SERPINI1: variants seen among roughly 807,000 people sequenced by gnomAD.
SERPINI1 encodes neuroserpin.
In SERPINI1, 19 loss-of-function variants were observed where a neutral mutation model predicts 41.1. The ratio of observed to expected loss-of-function variants is 0.46; its 90% CI spans 0.32 to 0.68. The LOEUF is 0.68. Ranked by LOEUF, SERPINI1 falls within the 30% of genes least tolerant of loss-of-function variation. The pLI is 0.03. For synonymous variants in SERPINI1, 138 were observed against 156.6 expected (o/e 0.88, Z 0.89); for missense variants, 460 against 479.2 (o/e 0.96, Z 0.37).
In SERPINI1 at chr3:167,794,248, A is replaced by G. The variant is rs111488222; in HGVS notation, c.677-372A>G. ...TACATGTTATTATAAATGTGAAATA[A>G]TTCTGTGGATTCTAAAATAAAATAA... is the stretch of plus-strand genomic sequence containing the variant. On this transcript the variant is annotated intron_variant, in intron 4 of 8. Coordinates refer to ENST00000446050, the MANE Select transcript of SERPINI1 (RefSeq NM_001122752.2). 3.0e-3 allele frequency among the ~76,000 whole-genome samples: 454 copies of G among 152,270 alleles called. 4 individuals are homozygous for G. The highest frequency in any genetic ancestry group is 0.01 in the African/African-American group (426 of 41,566).
intron 5 of SERPINI1, among the ~76,000 whole-genome samples, chr3:167,799,502 T>C (rs1157820650): frequency 2.0e-5 from 3 of 152,244 alleles, no homozygotes; most frequent in African/African-American, 7.2e-5. Flanking sequence ...GCAATAAACA[T>C]ACGTGTGTGT....
At position 167,793,596 on chromosome 3, in the gene SERPINI1, A is replaced by ATATTTTTT; in HGVS notation, c.676+813_676+814insATTTTTTT. Among the ~76,000 whole-genome samples the ATATTTTTT allele has an allele frequency of 4.3e-5, 6 of 140,620 alleles. 1 individual carries two copies. The highest frequency in any genetic ancestry group is 1.4e-4 in the African/African-American group (5 of 36,560). The allele number at this position is 140,620 out of a possible 152,430, so 92.3% of individuals were successfully genotyped here. A position where few individuals can be genotyped will look rare whatever the true frequency, so the allele number is the denominator to read the frequency against. The stretch of plus-strand genomic sequence containing the variant: ...TACAAATATATATATATATATATAT[A>ATATTTTTT]TTTTTAATTAGCTAGGCATAATGGT... On this transcript the variant is annotated intron_variant, in intron 4 of 8. Transcript: ENST00000446050.
intron 1 of SERPINI1, among the ~76,000 whole-genome samples, chr3:167,768,209 C>T (rs943676871): frequency 2.6e-5 from 4 of 152,236 alleles, no homozygotes; most frequent in Non-Finnish European, 5.9e-5. Context: ...CAGCCATCAA[C>T]ATCAAGGTAA....
intron 1 of SERPINI1, among the ~76,000 whole-genome samples, chr3:167,763,844 T>G (rs1358356055): frequency 6.6e-6 from 1 of 152,158 alleles, no homozygotes; most frequent in Non-Finnish European, 1.5e-5. Context: ...GTTTGAGAAA[T>G]AGTTGTATTG....
intron 5 of SERPINI1, among the ~76,000 whole-genome samples, chr3:167,804,091 T>C (rs1187023974): frequency 1.3e-5 from 2 of 152,200 alleles, no homozygotes; most frequent in Admixed American, 6.6e-5. Context: ...ATTCCCTTTT[T>C]TGAGATGGAT....
rs56761926 is a variant in SERPINI1 at position 167,776,199 on chromosome 3, C to T, written c.-18-12912C>T. Among the ~76,000 whole-genome samples the T allele has an allele frequency of 2.0e-3, 302 of 152,310 alleles. 1 individual carries two copies. In the Middle Eastern group the frequency reaches 0.024, roughly 12 times the overall value. ...CCTTGATTGATGATGACTTTTTACC[C>T]GTCTCTCTGAAACTACTTGCTGAGT... On this transcript the variant is annotated intron_variant, in intron 1 of 8. Transcript: ENST00000446050.
At chr3:167,817,201 G>T (rs982451525) in intron 6 of SERPINI1, among the ~76,000 whole-genome samples, 1 of 152,146 alleles carries the variant, frequency 6.6e-6, no homozygotes, top group Non-Finnish European at 1.5e-5. Context: ...AACATCCATT[G>T]AAATTCATTC....
chr3:167,775,225 TTTATTATTATTATTA>T (rs558261774), intron 1 of SERPINI1, among the ~76,000 whole-genome samples: 6,654 of 134,326 alleles, frequency 0.05, 196 homozygotes, highest in Non-Finnish European at 0.068. Context: ...GAAGTGTCAC[TTTATTATTATTATTA>T]TTATTATTAT....
At chr3:167,816,065 A>G (rs1316155804) in intron 6 of SERPINI1, among the ~76,000 whole-genome samples, 2 of 152,018 alleles carry the variant, frequency 1.3e-5, no homozygotes, top group East Asian at 3.9e-4. Context: ...TGTTTTTGAG[A>G]CAGGGTCTCA....
chr3:167,789,312 C>T lies in SERPINI1; in HGVS notation c.184C>T (p.Leu62Phe), dbSNP rs1474075286. 2.5e-6 allele frequency: 4 copies of T among 1,614,126 alleles called. No homozygotes were observed. The East Asian group carries it at 8.9e-5, about 36-fold the overall frequency. The change falls in exon 2 of 9, where the codon CTT becomes TTT. Residue 62 changes from leucine (L) to phenylalanine (F), a missense_variant. Coordinates refer to ENST00000446050, the MANE Select transcript of SERPINI1 (RefSeq NM_001122752.2). ...SIALAMGMME[L>F]GAQGSTQKEI... ...TGCTCTTGCAATGGGAATGATGGAA[C>T]TTGGGGCCCAAGGATCTACCCAGAA... is the stretch of plus-strand genomic sequence containing the variant.
intron 5 of SERPINI1, among the ~76,000 whole-genome samples, chr3:167,800,675 T>C (rs1387103108): frequency 1.3e-5 from 2 of 152,196 alleles, no homozygotes; most frequent in Non-Finnish European, 1.5e-5. Flanking sequence ...TGTGAAGTGG[T>C]TCTCTATTTT....
Position 167,792,633 on chromosome 3 carries a change from C to T in SERPINI1, c.525C>T (p.Ala175=). 6.2e-7 allele frequency: 1 copy of T among 1,613,562 alleles called. No homozygotes were observed. The highest frequency in any genetic ancestry group is 8.5e-7 in the Non-Finnish European group (1 of 1,179,846). Residue 175 remains alanine (A), a synonymous_variant, in exon 4 of 9, where the codon GCC becomes GCT. Transcript: ENST00000446050. The part of the protein sequence containing the change: ...DLVSPRDFDA[A]TYLALINAVY... ...TATCCCCAAGGGATTTTGATGCTGCCACTTATCTGGCCCTCATTAATGCTG... is the reference window on the plus strand; with the variant it reads ...TATCCCCAAGGGATTTTGATGCTGCTACTTATCTGGCCCTCATTAATGCTG...
At chr3:167,776,558 A>G (rs1228867467) in intron 1 of SERPINI1, among the ~76,000 whole-genome samples, 1 of 152,196 alleles carries the variant, frequency 6.6e-6, no homozygotes, top group African/African-American at 2.4e-5. Flanking sequence ...TGTGGGATTA[A>G]TGCTACTAAT....
chr3:167,799,377 CT>C (rs1727826237), intron 5 of SERPINI1, among the ~76,000 whole-genome samples: 1 of 152,116 alleles, frequency 6.6e-6, no homozygotes, highest in Non-Finnish European at 1.5e-5. Flanking sequence ...TGAACTCATT[CT>C]TTTTTATGGC....
intron 5 of SERPINI1, among the ~76,000 whole-genome samples, chr3:167,803,823 A>G (rs9821241): frequency 0.35 from 53,026 of 152,010 alleles, 10,477 homozygotes; most frequent in African/African-American, 0.54. Flanking sequence ...TATTAACTGT[A>G]TGACCTTGGT....
chr3:167,785,398 C>G (rs1360931636), intron 1 of SERPINI1, among the ~76,000 whole-genome samples: 1 of 152,186 alleles, frequency 6.6e-6, no homozygotes, highest in Non-Finnish European at 1.5e-5. Context: ...CAACTTGGGA[C>G]TTACATCCAA....
chr3:167,775,917 C>A (rs1445529622), intron 1 of SERPINI1, among the ~76,000 whole-genome samples: 1 of 152,096 alleles, frequency 6.6e-6, no homozygotes, highest in African/African-American at 2.4e-5. Flanking sequence ...ACTCTTTTCT[C>A]CACTGCACTC....
At chr3:167,779,566 C>T in intron 1 of SERPINI1, among the ~76,000 whole-genome samples, 1 of 152,140 alleles carries the variant, frequency 6.6e-6, no homozygotes, top group Non-Finnish European at 1.5e-5. Context: ...ACTTCAAAAC[C>T]CATAGAGTCA....
rs1272024619 is a variant in SERPINI1 at position 167,785,901 on chromosome 3, G to GGTCTTA, written c.-18-3209_-18-3204dup. 6.6e-5 allele frequency among the ~76,000 whole-genome samples: 10 copies of GGTCTTA among 152,148 alleles called. 1 individual carries two copies. ...TATCATACAGTAAATTTAATTGCTT[G>GGTCTTA]GTCTTACACACTTATTGCCTAATGA... On this transcript the variant is annotated intron_variant, in intron 1 of 8. Coordinates refer to ENST00000446050, the MANE Select transcript of SERPINI1 (RefSeq NM_001122752.2).
Sources: allele counts gnomAD v4.1 joint callset (sites outside exome capture counted in the v4.1 genomes callset), GRCh38; gene constraint gnomAD v4.1.1; transcripts MANE v1.5; gene names NCBI Gene and HGNC (gene_info 2026-07-23, HGNC 2026-07-21).